The following TLL2 variants were observed in gnomAD, a reference collection of about 807,000 sequenced individuals.
TLL2 encodes the protein tolloid like 2.
Under a neutral mutation model 123.0 loss-of-function variants are expected in TLL2, and 106 were observed. That is an observed-to-expected ratio of 0.86 (90% CI 0.74 to 1.01). The LOEUF (loss-of-function observed/expected upper bound fraction) is 1.01. Among genes scored for constraint, TLL2 ranks in the 50% least tolerant of loss-of-function variants. The pLI is 0.00. For missense variants in TLL2, 1,332 were observed against 1,336.7 expected, an observed-to-expected ratio of 1.00 and a Z score of 0.06; for synonymous variants, 494 against 516.8, an observed-to-expected ratio of 0.96 and a Z score of 0.60.
chr10:96,506,419 C>T (rs1268893890), intron 1 of TLL2, among the ~76,000 whole-genome samples: 1 of 152,016 alleles, frequency 6.6e-6, no homozygotes, highest in South Asian at 2.1e-4. Context: ...TAACCATAGT[C>T]CAGGCTGGGG....
chr10:96,446,078 G>A lies in TLL2; in HGVS notation c.364+13C>T. On this transcript the variant is annotated intron_variant, in intron 3 of 20. Transcript: ENST00000357947. ...AACAAGGTACCCAAAGACCTGGTGA[G>A]GGCTCACATTACCCTTTCCAGCTTC... 3 of 1,613,976 alleles carry A rather than the reference G, an allele frequency of 1.9e-6. No individual in the cohort carries two copies. Among genetic ancestry groups the A allele is most frequent in the South Asian group, 2.2e-5 (2 of 91,056 alleles).
Position 96,395,926 on chromosome 10 carries a change from C to T in TLL2, c.1479G>A (p.Arg493=), listed in dbSNP as rs1386379371. The change falls in exon 12 of 21, where the codon AGG becomes AGA. Residue 493 remains arginine, a synonymous_variant. Coordinates refer to ENST00000357947, the MANE Select transcript of TLL2 (RefSeq NM_012465.4). ...CGTGAAACCCCTCTGAAACCGTAAT[C>T]CTCCAGACACATTCCTTGGAAGGTC... ...DYRPSKECVW[R]ITVSEGFHVG... The T allele has an allele frequency of 6.2e-7, 1 of 1,614,082 alleles. No individual in the cohort carries two copies. Among genetic ancestry groups the T allele is most frequent in the Non-Finnish European group, 8.5e-7 (1 of 1,180,050 alleles).
chr10:96,450,422 G>T (rs1044422060), intron 2 of TLL2, among the ~76,000 whole-genome samples: 2 of 152,132 alleles, frequency 1.3e-5, no homozygotes, highest in Non-Finnish European at 2.9e-5. Flanking sequence ...TATTTAATTG[G>T]TCTGGGGCAT....
intron 2 of TLL2, among the ~76,000 whole-genome samples, chr10:96,469,500 TG>T (rs780357757): frequency 6.6e-5 from 10 of 152,218 alleles, no homozygotes; most frequent in Admixed American, 2.6e-4. Context: ...GCTCTGCCTC[TG>T]GTGGGGCCCT....
chr10:96,449,034 G>T (rs926637496), intron 2 of TLL2, among the ~76,000 whole-genome samples: 1 of 152,198 alleles, frequency 6.6e-6, no homozygotes, highest in African/African-American at 2.4e-5. Flanking sequence ...ATGGAGGGGG[G>T]AAAGAATTAG....
rs766697097 is a variant in TLL2 at position 96,386,180 on chromosome 10, T to C, written c.1888A>G (p.Thr630Ala). 2.5e-6 allele frequency: 4 copies of C among 1,607,148 alleles called. No homozygotes were observed. Among genetic ancestry groups the C allele is most frequent in the Non-Finnish European group, 3.4e-6 (4 of 1,176,364 alleles). ...TTCGGCCACCCAGGGCTGGTGATGG[T>C]TCCATTCAGCTTGGTAATGAAACCG... ...CGGFITKLNG[T>A]ITSPGWPKEY... is the part of the protein sequence containing the mutation. Residue 630 changes from threonine to alanine, a missense_variant, in exon 15 of 21, where the codon ACC (threonine) becomes GCC (alanine). Thr to Ala is a moderately conservative substitution (Grantham distance 58). Transcript: ENST00000357947.
intron 2 of TLL2, among the ~76,000 whole-genome samples, chr10:96,476,248 T>TGTTGTTG (rs1554939656): frequency 8.7e-5 from 6 of 69,238 alleles, no homozygotes; most frequent in African/African-American, 3.1e-4. Flanking sequence ...ATATTTTATT[T>TGTTGTTG]TTGTTGTTGT....
chr10:96,448,794 A>G (rs1028672881), intron 2 of TLL2, among the ~76,000 whole-genome samples: 7 of 152,090 alleles, frequency 4.6e-5, no homozygotes, highest in South Asian at 2.1e-4. Flanking sequence ...TACGACTGGA[A>G]TGGAATGAGT....
intron 13 of TLL2, among the ~76,000 whole-genome samples, chr10:96,392,535 C>G (rs1846299292): frequency 1.3e-5 from 2 of 152,010 alleles, no homozygotes; most frequent in Admixed American, 1.3e-4. Flanking sequence ...TGATCACCAG[C>G]AGCACCAGCA....
intron 13 of TLL2, among the ~76,000 whole-genome samples, chr10:96,389,999 C>T (rs1846270715): frequency 6.6e-6 from 1 of 152,240 alleles, no homozygotes; most frequent in African/African-American, 2.4e-5. Context: ...GCACCTGCTC[C>T]AAGCCCACTG....
intron 9 of TLL2, 78 bp from the exon 10 acceptor site, chr10:96,405,412 T>C: frequency 7.6e-7 from 1 of 1,317,784 alleles, no homozygotes; most frequent in Middle Eastern, 1.8e-4. Flanking sequence ...CATACTGGTG[T>C]TCTCACGTTA....
chr10:96,386,343 A>AATT, intron 14 of TLL2, 128 bp from the exon 15 acceptor site: 3 of 965,828 alleles, frequency 3.1e-6, no homozygotes, highest in African/African-American at 1.7e-5. Context: ...TGAACTGATT[A>AATT]ATTCAGTGTC....
At chr10:96,370,556 G>T (rs1019069332) in intron 19 of TLL2, among the ~76,000 whole-genome samples, 1 of 152,218 alleles carries the variant, frequency 6.6e-6, no homozygotes, top group South Asian at 2.1e-4. Flanking sequence ...GAGAATACGT[G>T]AGCATGCCAT....
At chr10:96,394,171 T>C (rs539546018) in intron 13 of TLL2, among the ~76,000 whole-genome samples, 1 of 152,004 alleles carries the variant, frequency 6.6e-6, no homozygotes, top group African/African-American at 2.4e-5. Context: ...CCAGGAGTCC[T>C]AGGAGAGGAG....
intron 8 of TLL2, 30 bp from the exon 9 acceptor site, chr10:96,410,504 G>A (rs754786447): frequency 6.4e-7 from 1 of 1,573,564 alleles, no homozygotes; most frequent in African/African-American, 1.3e-5. Flanking sequence ...ACTGTGATGT[G>A]GCATATGCAC....
At chr10:96,380,978 C>CA (rs758416966) in intron 16 of TLL2, among the ~76,000 whole-genome samples, 1,674 of 102,486 alleles carry the variant, frequency 0.016, 24 homozygotes, top group African/African-American at 0.047. Context: ...ACTCTGTCTC[C>CA]AAAAAAAAAA....
intron 3 of TLL2, among the ~76,000 whole-genome samples, chr10:96,437,266 A>T (rs1015710304): frequency 6.6e-6 from 1 of 152,228 alleles, no homozygotes; most frequent in Non-Finnish European, 1.5e-5. Flanking sequence ...TAAATAATAC[A>T]GAGATTTCAT....
rs555568436 is a variant in TLL2 at position 96,395,982 on chromosome 10, T to C, written c.1423A>G (p.Ile475Val). 23 of 1,614,166 alleles carry C rather than the reference T, an allele frequency of 1.4e-5. No individual in the cohort carries two copies. The highest frequency in any genetic ancestry group is 4.4e-5 in the South Asian group (4 of 91,070). The change falls in exon 12 of 21, where the codon ATT (isoleucine) becomes GTT (valine). Residue 475 changes from isoleucine to valine, a missense_variant. Physicochemically the swap from Ile to Val is conservative, Grantham distance 29 (BLOSUM62 3). Coordinates refer to ENST00000357947, the MANE Select transcript of TLL2 (RefSeq NM_012465.4). ...GGDMNKDAGQ[I>V]QSPNYPDDYR... ...TCATCCGGATAGTTGGGAGATTGAA[T>C]CTGACCGGCATCTTTGTTCATGTCT...
chr10:96,417,918 T>TCATCAAAAATAA (rs1408389839), intron 7 of TLL2, among the ~76,000 whole-genome samples: 5 of 152,158 alleles, frequency 3.3e-5, no homozygotes, highest in African/African-American at 1.2e-4. Context: ...AGCTGCTGTT[T>TCATCAAAAATAA]TAAGTCACTA....
Sources: allele counts gnomAD v4.1 joint callset (sites outside exome capture counted in the v4.1 genomes callset), GRCh38; gene constraint gnomAD v4.1.1; transcripts MANE v1.5; gene names NCBI Gene and HGNC (gene_info 2026-07-23, HGNC 2026-07-21).